Variants in GABBR2 observed in about 807,000 individuals in gnomAD.
GABBR2 encodes the protein gamma-aminobutyric acid type B receptor subunit 2.
A neutral mutation model predicts 105.6 loss-of-function variants in GABBR2; 23 were observed. The observed-to-expected ratio is 0.22, with a 90% CI of 0.16 to 0.31. GABBR2 has a LOEUF of 0.31. Among genes scored for constraint, GABBR2 ranks in the 10% least tolerant of loss-of-function variants. The pLI is 1.00. For missense variants in GABBR2, 734 were observed against 1,245.5 expected, an observed-to-expected ratio of 0.59 and a Z score of 6.18; for synonymous variants, 478 against 499.7, an observed-to-expected ratio of 0.96 and a Z score of 0.58.
At chr9:98,318,170 A>G (rs192818277) in intron 13 of GABBR2, among the ~76,000 whole-genome samples, 35 of 152,310 alleles carry the variant, frequency 2.3e-4, no homozygotes, top group Admixed American at 2.0e-3. Context: ...TGTGAGCACA[A>G]AGTGCCTGGG....
rs7868057 is a variant in GABBR2 at position 98,684,204 on chromosome 9, G to A, written c.321+24213C>T. Among the ~76,000 whole-genome samples, 14 of 79,942 alleles carry A rather than the reference G, an allele frequency of 1.8e-4. No homozygotes were observed. The East Asian group carries it at 3.9e-3, about 22-fold the overall frequency. 52.4% of individuals were successfully genotyped at this position (79,942 alleles called of 152,430 possible). On this transcript the variant is annotated intron_variant, in intron 1 of 18. Transcript: ENST00000259455. ...AAAAAAAAAAAAAAAAATTGGTTGT[G>A]GGGGGTGGGACTCAAGTAACAGCAG...
At chr9:98,644,149 C>T (rs7849599) in intron 1 of GABBR2, among the ~76,000 whole-genome samples, 28,953 of 152,204 alleles carry the variant, frequency 0.19, 3,537 homozygotes, top group African/African-American at 0.35. Flanking sequence ...CAACACACAG[C>T]AGGGAAAGAT....
At chr9:98,337,669 A>C (rs1831139391) in intron 13 of GABBR2, among the ~76,000 whole-genome samples, 1 of 152,214 alleles carries the variant, frequency 6.6e-6, no homozygotes, top group Non-Finnish European at 1.5e-5. Context: ...GAATCCAGAA[A>C]TACAAGTACA....
chr9:98,654,796 C>T (rs895928550), intron 1 of GABBR2, among the ~76,000 whole-genome samples: 9 of 152,148 alleles, frequency 5.9e-5, no homozygotes, highest in Non-Finnish European at 1.0e-4. Flanking sequence ...AACCCACATA[C>T]GGATATTTAC....
At chr9:98,482,601 A>T (rs896773595) in intron 4 of GABBR2, among the ~76,000 whole-genome samples, 1 of 152,194 alleles carries the variant, frequency 6.6e-6, no homozygotes, top group Admixed American at 6.5e-5. Flanking sequence ...ACTTTGTGCC[A>T]AACCCTGTGT....
intron 3 of GABBR2, among the ~76,000 whole-genome samples, chr9:98,531,984 C>T (rs999654378): frequency 2.0e-5 from 3 of 152,164 alleles, no homozygotes; most frequent in Non-Finnish European, 2.9e-5. Context: ...GTGCACCACC[C>T]GTGTAAGCAT....
At chr9:98,309,338 C>T (rs544195063) in intron 14 of GABBR2, among the ~76,000 whole-genome samples, 18 of 152,312 alleles carry the variant, frequency 1.2e-4, no homozygotes, top group African/African-American at 3.1e-4. Context: ...TATGATTCAT[C>T]GTAATCTATT....
intron 13 of GABBR2, among the ~76,000 whole-genome samples, chr9:98,326,726 A>G (rs1050006310): frequency 6.6e-6 from 1 of 152,240 alleles, no homozygotes; most frequent in African/African-American, 2.4e-5. Flanking sequence ...AGCTGCTGAG[A>G]TTTAGAGGTT....
At chr9:98,392,255 C>T (rs569965443) in intron 9 of GABBR2, among the ~76,000 whole-genome samples, 92 of 152,296 alleles carry the variant, frequency 6.0e-4, no homozygotes, top group Middle Eastern at 3.4e-3. Flanking sequence ...CCACCAAATT[C>T]GTGTTTTTCC....
In GABBR2 at chr9:98,306,471, C is replaced by T; in HGVS notation, c.2005-126G>A. The T allele has an allele frequency of 1.5e-6, 1 of 665,244 alleles. No individual in the cohort carries two copies. The highest frequency in any genetic ancestry group is 2.7e-6 in the Non-Finnish European group (1 of 364,594). The allele number at this position is 665,244 out of a possible 1,614,324, so 41.2% of individuals were successfully genotyped here. On this transcript the variant is annotated intron_variant, in intron 14 of 18. Coordinates refer to ENST00000259455, the MANE Select transcript of GABBR2 (RefSeq NM_005458.8). The surrounding 1 kb of genome is among the most constrained non-coding windows in gnomAD (Gnocchi z 5.4). ...GGCTGCAGGGAGGGAGGGTCGGGGGCCTTGCTGTCAGCCGGGTCTTCTGGA... is the reference window on the plus strand; with the variant it reads ...GGCTGCAGGGAGGGAGGGTCGGGGGTCTTGCTGTCAGCCGGGTCTTCTGGA...
intron 1 of GABBR2, among the ~76,000 whole-genome samples, chr9:98,703,383 A>C (rs1201842658): frequency 6.6e-6 from 1 of 152,230 alleles, no homozygotes; most frequent in Non-Finnish European, 1.5e-5. Flanking sequence ...AGTACTAAAC[A>C]ACACACTTAC....
intron 6 of GABBR2, among the ~76,000 whole-genome samples, chr9:98,472,423 C>T (rs975141035): frequency 3.9e-5 from 6 of 152,206 alleles, no homozygotes; most frequent in Non-Finnish European, 8.8e-5. Context: ...CTGAGGCTGA[C>T]ACACCCTGTC....
rs773677436 is a variant in GABBR2 at position 98,389,047 on chromosome 9, C to A, written c.1379-43G>T. The A allele has an allele frequency of 1.1e-5, 17 of 1,568,006 alleles. No individual in the cohort carries two copies. The African/African-American group carries it at 2.2e-4, about 20-fold the overall frequency. ...GACATCAGTGGGACCCAATGCAAGT[C>A]ATTCCCCGAGAACACCTTTGCCTTA... On this transcript the variant is annotated intron_variant, in intron 9 of 18. Transcript: ENST00000259455.
Position 98,470,795 on chromosome 9 carries a change from G to GT in GABBR2, c.999+2350dup, listed in dbSNP as rs58596178. ...ATTTTGACAATTTGTTCATCATGGG[G>GT]TTTTTTTTTTGGCATTATTTTAATT... is the stretch of plus-strand genomic sequence containing the variant. On this transcript the variant is annotated intron_variant, in intron 6 of 18. Coordinates refer to ENST00000259455, the MANE Select transcript of GABBR2 (RefSeq NM_005458.8). Among the ~76,000 whole-genome samples the GT allele has an allele frequency of 3.5e-3, 515 of 147,226 alleles. 3 individuals are homozygous for GT. Among genetic ancestry groups the GT allele is most frequent in the African/African-American group, 8.6e-3 (344 of 40,154 alleles).
At chr9:98,379,835 C>T (rs1831940875) in intron 11 of GABBR2, among the ~76,000 whole-genome samples, 1 of 152,036 alleles carries the variant, frequency 6.6e-6, no homozygotes, top group African/African-American at 2.4e-5. Flanking sequence ...TAAACAAAAG[C>T]CACTGAATTG....
intron 7 of GABBR2, among the ~76,000 whole-genome samples, chr9:98,451,560 G>A (rs1826230217): frequency 6.6e-6 from 1 of 152,138 alleles, no homozygotes; most frequent in African/African-American, 2.4e-5. Flanking sequence ...TCAAACCCTG[G>A]TGTGCATTAG....
chr9:98,413,958 C>A (rs1457748066), intron 7 of GABBR2, among the ~76,000 whole-genome samples: 1 of 152,142 alleles, frequency 6.6e-6, no homozygotes, highest in Non-Finnish European at 1.5e-5. Context: ...AATTTTAATA[C>A]AGACACATGA....
At chr9:98,653,303 G>A (rs2131847372) in intron 1 of GABBR2, among the ~76,000 whole-genome samples, 1 of 152,330 alleles carries the variant, frequency 6.6e-6, no homozygotes, top group South Asian at 2.1e-4. Context: ...CTAGCCCTTA[G>A]CTATTTCTAA....
At chr9:98,591,093 A>G (rs933632719) in intron 1 of GABBR2, among the ~76,000 whole-genome samples, 18 of 152,212 alleles carry the variant, frequency 1.2e-4, no homozygotes, top group Non-Finnish European at 1.5e-4. Context: ...AGTGGGAGCA[A>G]TGGCAGAGAC....
Sources: allele counts gnomAD v4.1 joint callset (sites outside exome capture counted in the v4.1 genomes callset), GRCh38; gene constraint gnomAD v4.1.1; non-coding constraint Gnocchi (gnomAD v3.1); transcripts MANE v1.5; gene names NCBI Gene and HGNC (gene_info 2026-07-23, HGNC 2026-07-21).